SAMD3: variants seen among roughly 807,000 people sequenced by gnomAD.
SAMD3 encodes sterile alpha motif domain containing 3.
In SAMD3, 63 loss-of-function variants were observed where a neutral mutation model predicts 58.5. The ratio of observed to expected loss-of-function variants is 1.08; its 90% confidence interval spans 0.88 to 1.33. The LOEUF (loss-of-function observed/expected upper bound fraction) is 1.33. Ranked by LOEUF, SAMD3 falls within the 40% of genes most tolerant of loss-of-function variation. The probability of loss-of-function intolerance (pLI) is 0.00; values close to 1 mark genes in which losing one functional copy is unlikely to be tolerated. For missense variants in SAMD3, 604 were observed against 608.4 expected, an observed-to-expected ratio of 0.99 and a Z score of 0.08; for synonymous variants, 220 against 210.3, an observed-to-expected ratio of 1.05 and a Z score of -0.40.
intron 2 of SAMD3, among the ~76,000 whole-genome samples, chr6:130,230,950 T>G (rs1796527575): frequency 6.6e-6 from 1 of 152,174 alleles, no homozygotes; most frequent in South Asian, 2.1e-4. Context: ...AGAGTCTCAG[T>G]GTCTTGCCCC....
chr6:130,205,250 T>C (rs916600295), intron 5 of SAMD3, among the ~76,000 whole-genome samples: 2 of 152,002 alleles, frequency 1.3e-5, no homozygotes, highest in Non-Finnish European at 1.5e-5. Context: ...GAAAGTGTAT[T>C]CAGTCTTTCA....
chr6:130,287,214 A>T (rs1775190137), intron 2 of SAMD3, among the ~76,000 whole-genome samples: 1 of 152,192 alleles, frequency 6.6e-6, no homozygotes, highest in South Asian at 2.1e-4. Flanking sequence ...AACAATTCTC[A>T]TCCTTTGACA....
chr6:130,321,337 C>T (rs1034085895), intron 1 of SAMD3, among the ~76,000 whole-genome samples: 5 of 152,118 alleles, frequency 3.3e-5, no homozygotes, highest in Non-Finnish European at 7.4e-5. Context: ...AGCTTGGAAG[C>T]AGATACTCTC....
At chr6:130,344,156 T>C (rs1777369638) in intron 1 of SAMD3, among the ~76,000 whole-genome samples, 1 of 152,130 alleles carries the variant, frequency 6.6e-6, no homozygotes, top group Non-Finnish European at 1.5e-5. Context: ...CTGCAGAAAA[T>C]TTGGTAATAC....
intron 2 of SAMD3, among the ~76,000 whole-genome samples, chr6:130,271,155 A>G (rs1774548692): frequency 6.6e-6 from 1 of 151,938 alleles, no homozygotes. Context: ...GCACCACACC[A>G]TACTTGGCTG....
intron 1 of SAMD3, among the ~76,000 whole-genome samples, chr6:130,325,072 C>A (rs892287542): frequency 7.3e-5 from 11 of 150,564 alleles, no homozygotes; most frequent in African/African-American, 2.7e-4. Context: ...TCCATCCATT[C>A]ATAAACAAGA....
At chr6:130,229,325 G>T (rs1796474628) in intron 2 of SAMD3, among the ~76,000 whole-genome samples, 1 of 152,216 alleles carries the variant, frequency 6.6e-6, no homozygotes, top group Non-Finnish European at 1.5e-5. Context: ...CATTCCCAAT[G>T]CCTTAGCAGC....
At chr6:130,262,984 A>G (rs1190146058) in intron 2 of SAMD3, among the ~76,000 whole-genome samples, 2 of 152,186 alleles carry the variant, frequency 1.3e-5, no homozygotes, top group Non-Finnish European at 2.9e-5. Context: ...AAAAGAATCT[A>G]TAAAATCTTA....
intron 2 of SAMD3, among the ~76,000 whole-genome samples, chr6:130,282,628 C>T (rs374001741): frequency 6.6e-6 from 1 of 151,920 alleles, no homozygotes; most frequent in African/African-American, 2.4e-5. Context: ...CAGGGAAACC[C>T]TCAGAGAAAG....
chr6:130,185,505 T>A (rs1479341171), intron 5 of SAMD3, among the ~76,000 whole-genome samples: 1 of 151,774 alleles, frequency 6.6e-6, no homozygotes, highest in Non-Finnish European at 1.5e-5. Flanking sequence ...ATTTTTTGTA[T>A]TTTAGTAGAG....
chr6:130,283,744 A>G (rs1027276355), intron 2 of SAMD3, among the ~76,000 whole-genome samples: 1 of 152,218 alleles, frequency 6.6e-6, no homozygotes, highest in Non-Finnish European at 1.5e-5. Context: ...AACGACTTTT[A>G]AAGGATATAA....
intron 2 of SAMD3, among the ~76,000 whole-genome samples, chr6:130,235,069 T>C (rs62431208): frequency 0.14 from 21,519 of 152,074 alleles, 1,709 homozygotes; most frequent in East Asian, 0.36. Context: ...GAGTGGTGAT[T>C]GTGACACTGC....
rs1040598970 is a variant in SAMD3 at position 130,144,411 on chromosome 6, C to T, written c.*109G>A. On this transcript the variant is annotated 3_prime_UTR_variant, in exon 12 of 12. Transcript: ENST00000439090. The stretch of plus-strand genomic sequence containing the variant: ...TGAAATTCATTAGCATCTATAAATA[C>T]AAGATGATTTTCTCATACCTACCTC... 1.9e-5 allele frequency: 18 copies of T among 949,578 alleles called. No individual in the cohort carries two copies. Among genetic ancestry groups the T allele is most frequent in the Non-Finnish European group, 2.8e-5 (18 of 637,600 alleles). The allele number at this position is 949,578 out of a possible 1,614,324, so 58.8% of individuals were successfully genotyped here.
chr6:130,249,913 C>T (rs920929984), intron 2 of SAMD3, among the ~76,000 whole-genome samples: 8 of 152,156 alleles, frequency 5.3e-5, no homozygotes, highest in East Asian at 1.9e-4. Flanking sequence ...GAGACCCACA[C>T]GCTCTGAGGA....
Position 130,214,457 on chromosome 6 carries a change from A to G in SAMD3, c.149T>C (p.Ile50Thr), listed in dbSNP as rs143580700. 3.7e-4 allele frequency: 592 copies of G among 1,612,954 alleles called. 1 individual carries two copies. The highest frequency in any genetic ancestry group is 4.6e-4 in the Non-Finnish European group (546 of 1,179,516). ...ATCCATCAGAACAGCCTGGTGCCCA[A>G]TTTTCTTTACCAGTTGCTGAACCAT... ...DRMVQQLVKK[I>T]GHQAVLMDLI... Residue 50 changes from isoleucine to threonine, a missense_variant, in exon 4 of 12, where the codon ATT (isoleucine) becomes ACT (threonine). Coordinates refer to ENST00000439090, the MANE Select transcript of SAMD3 (RefSeq NM_001017373.4).
intron 1 of SAMD3, among the ~76,000 whole-genome samples, chr6:130,318,712 A>G (rs6933480): frequency 0.42 from 63,138 of 151,882 alleles, 14,461 homozygotes; most frequent in African/African-American, 0.61. Flanking sequence ...TACAGGCATG[A>G]GCCACTGTGC....
At chr6:130,330,348 A>G (rs1776889884) in intron 1 of SAMD3, among the ~76,000 whole-genome samples, 3 of 152,214 alleles carry the variant, frequency 2.0e-5, no homozygotes, top group Admixed American at 1.3e-4. Flanking sequence ...ATTTTGTGAT[A>G]TAAACTTTCT....
At chr6:130,264,869 G>T (rs1774281918) in intron 2 of SAMD3, among the ~76,000 whole-genome samples, 1 of 151,764 alleles carries the variant, frequency 6.6e-6, no homozygotes, top group African/African-American at 2.4e-5. Context: ...AAAAAAAAAT[G>T]GCAGTTGGAG....
chr6:130,329,447 T>C (rs960943280), intron 1 of SAMD3, among the ~76,000 whole-genome samples: 1 of 152,026 alleles, frequency 6.6e-6, no homozygotes, highest in African/African-American at 2.4e-5. Flanking sequence ...AAAAGCCAAA[T>C]GAAAATGGTT....
Sources: gnomAD v4.1 joint callset for allele counts (sites outside exome capture counted in the v4.1 genomes callset) on GRCh38, gnomAD v4.1.1 for gene constraint, MANE v1.5 for transcripts, NCBI Gene and HGNC (gene_info 2026-07-23, HGNC 2026-07-21) for gene names.